Variants in CEP192 observed in about 807,000 individuals in gnomAD.
CEP192 encodes centrosomal protein 192.
Under a neutral mutation model 271.8 loss-of-function variants are expected in CEP192, and 151 were observed. That is an observed-to-expected ratio of 0.56 (90% CI 0.49 to 0.64). The LOEUF is 0.64. Among genes scored for constraint, CEP192 ranks in the 30% least tolerant of loss-of-function variants. The probability of loss-of-function intolerance (pLI) is 0.00; values close to 1 mark genes in which losing one functional copy is unlikely to be tolerated. For synonymous variants in CEP192, 995 were observed against 1,076.5 expected (o/e 0.92, Z 1.48); for missense variants, 2,910 against 3,020.5 (o/e 0.96, Z 0.86).
At chr18:13,069,578 T>C (rs974657072) in intron 26 of CEP192, among the ~76,000 whole-genome samples, 160 bp from the exon 27 acceptor site, 3 of 152,116 alleles carry the variant, frequency 2.0e-5, no homozygotes, top group African/African-American at 7.2e-5. Context: ...GAAAGAAATA[T>C]CCTTTCCAAG....
chr18:12,996,550 T>C (rs1349446807), intron 1 of CEP192, among the ~76,000 whole-genome samples: 1 of 152,114 alleles, frequency 6.6e-6, no homozygotes, highest in Non-Finnish European at 1.5e-5. Context: ...TATTTTAAGC[T>C]TTGAAATTGA....
intron 40 of CEP192, among the ~76,000 whole-genome samples, chr18:13,109,123 T>G (rs1004185730): frequency 2.6e-5 from 4 of 152,162 alleles, no homozygotes; most frequent in Admixed American, 2.6e-4. Context: ...CTATTCACAG[T>G]ATCAGAGACA....
chr18:13,116,185 C>G (rs1404422807), intron 42 of CEP192, among the ~76,000 whole-genome samples, 192 bp from the exon 43 acceptor site: 2 of 152,148 alleles, frequency 1.3e-5, no homozygotes, highest in African/African-American at 4.8e-5. Flanking sequence ...TATCCAGCAC[C>G]CTTTATGAGA....
chr18:13,060,788 G>A (rs1023403476), intron 21 of CEP192, among the ~76,000 whole-genome samples: 1 of 152,032 alleles, frequency 6.6e-6, no homozygotes. Context: ...GCTGGGTGTG[G>A]TGGTGCATGC....
In CEP192 at chr18:13,004,176, T is replaced by C. The variant is rs546035397; in HGVS notation, c.290+2594T>C. On this transcript the variant is annotated intron_variant, in intron 3 of 44. Coordinates refer to ENST00000506447, the MANE Select transcript of CEP192 (RefSeq NM_032142.4). The stretch of plus-strand genomic sequence containing the variant: ...GGCACCATGGCCTACTCAGAATGAG[T>C]TTCAGAGAGAACAGGAGTTACTGTT... Among the ~76,000 whole-genome samples the C allele has an allele frequency of 9.2e-5, 14 of 152,132 alleles. No homozygotes were observed. The East Asian group carries it at 2.7e-3, about 29-fold the overall frequency.
At chr18:13,039,589 G>A (rs896130972) in intron 13 of CEP192, among the ~76,000 whole-genome samples, 2 of 152,192 alleles carry the variant, frequency 1.3e-5, no homozygotes, top group African/African-American at 4.8e-5. Flanking sequence ...ATGGAAAGCA[G>A]GCAGGCAGAG....
In CEP192 at chr18:13,099,538, C is replaced by A. The variant is rs773790465; in HGVS notation, c.6620C>A (p.Pro2207Gln). The A allele has an allele frequency of 1.2e-6, 2 of 1,604,342 alleles. No individual in the cohort carries two copies. Among genetic ancestry groups the A allele is most frequent in the Admixed American group, 1.7e-5 (1 of 58,432 alleles). Residue 2207 changes from proline (P) to glutamine (Q), a missense_variant, in exon 37 of 45, where the codon CCG (proline) becomes CAG (glutamine). Coordinates refer to ENST00000506447, the MANE Select transcript of CEP192 (RefSeq NM_032142.4). The stretch of plus-strand genomic sequence containing the variant: ...TTATCCACAAAACAGTCAATGTTCC[C>A]GTGGAGTGGTTTGATCTATATACAC... Reference protein sequence around the residue: ...SSLSTKQSMFPWSGLIYIHCD... With the variant: ...SSLSTKQSMFQWSGLIYIHCD...
rs1348717151 is a variant in CEP192, at chr18:13,087,133, T to C, written c.5733T>C (p.Ile1911=). 3.1e-6 allele frequency: 5 copies of C among 1,614,128 alleles called. No individual in the cohort carries two copies. The East Asian group carries it at 1.1e-4, about 36-fold the overall frequency. Residue 1911 remains isoleucine, a synonymous_variant, in exon 31 of 45, where the codon ATT becomes ATC. Coordinates refer to ENST00000506447, the MANE Select transcript of CEP192 (RefSeq NM_032142.4). Reference sequence around the variant, plus strand: ...TAGTACCTGGCAAAGAAAGTAAAATTGTTTTTTCTGTCCGCAACACTGGCT... The same window carrying C: ...TAGTACCTGGCAAAGAAAGTAAAATCGTTTTTTCTGTCCGCAACACTGGCT... ...NGLVPGKESK[I]VFSVRNTGSR...
At chr18:13,108,778 G>A (rs989378982) in intron 40 of CEP192, among the ~76,000 whole-genome samples, 1 of 152,198 alleles carries the variant, frequency 6.6e-6, no homozygotes. Context: ...GGGAGGCTGA[G>A]GTGGAAGGAT....
chr18:13,084,992 T>G (rs923475945), intron 30 of CEP192, among the ~76,000 whole-genome samples: 37 of 125,062 alleles, frequency 3.0e-4, no homozygotes, highest in Admixed American at 1.7e-3. Context: ...ATTTTTTGGG[T>G]TTTTTTTTTT....
chr18:13,001,610 C>T, intron 3 of CEP192, 28 bp downstream of exon 3: 1 of 1,532,652 alleles, frequency 6.5e-7, no homozygotes, highest in Non-Finnish European at 8.8e-7. Flanking sequence ...TTTGCTTGTA[C>T]TGTGTTAAAA....
intron 44 of CEP192, among the ~76,000 whole-genome samples, chr18:13,121,123 C>G (rs530773365): frequency 6.6e-6 from 1 of 152,194 alleles, no homozygotes; most frequent in South Asian, 2.1e-4. Context: ...GACAAAGGTT[C>G]ACAATACATA....
At chr18:13,052,418 C>T (rs1184738985) in intron 17 of CEP192, among the ~76,000 whole-genome samples, 1 of 152,124 alleles carries the variant, frequency 6.6e-6, no homozygotes, top group African/African-American at 2.4e-5. Flanking sequence ...TTATATTTAT[C>T]ATTAATTTTT....
intron 3 of CEP192, among the ~76,000 whole-genome samples, 154 bp downstream of exon 3, chr18:13,001,736 C>T (rs2145804451): frequency 6.6e-6 from 1 of 152,356 alleles, no homozygotes; most frequent in Admixed American, 6.5e-5. Flanking sequence ...GTTTCACTCA[C>T]TCCATTGCCC....
At chr18:13,110,467 C>T (rs749533492) in intron 40 of CEP192, among the ~76,000 whole-genome samples, 1 of 150,388 alleles carries the variant, frequency 6.6e-6, no homozygotes, top group Admixed American at 6.6e-5. Context: ...CAAGACAGTT[C>T]AATGGGGAAA....
chr18:13,020,770 C>T (rs180915747), intron 9 of CEP192, among the ~76,000 whole-genome samples: 217 of 152,282 alleles, frequency 1.4e-3, no homozygotes, highest in Non-Finnish European at 1.9e-3. Flanking sequence ...TATAGTTATC[C>T]TAATGAGTAT....
At chr18:13,095,415 T>C (rs868545561) in intron 34 of CEP192, 88 bp from the exon 35 acceptor site, 3 of 955,884 alleles carry the variant, frequency 3.1e-6, no homozygotes, top group Middle Eastern at 2.6e-4. Context: ...AATATAAAAA[T>C]ATGTGATACA....
chr18:13,121,678 T>C (rs147936380), intron 44 of CEP192, among the ~76,000 whole-genome samples: 1 of 152,372 alleles, frequency 6.6e-6, no homozygotes, highest in African/African-American at 2.4e-5. Flanking sequence ...CAAAAGCATC[T>C]TTCTCTTAAC....
intron 15 of CEP192, among the ~76,000 whole-genome samples, chr18:13,047,837 A>G (rs2036565891): frequency 6.6e-6 from 1 of 152,208 alleles, no homozygotes; most frequent in African/African-American, 2.4e-5. Context: ...TATACTTGCA[A>G]TCACAATGAC....
Sources: allele counts gnomAD v4.1 joint callset (sites outside exome capture counted in the v4.1 genomes callset), GRCh38; gene constraint gnomAD v4.1.1; transcripts MANE v1.5; gene names NCBI Gene and HGNC (gene_info 2026-07-23, HGNC 2026-07-21).